The following ATP10B variants were observed in gnomAD, a reference collection of about 807,000 sequenced individuals.
ATP10B encodes ATPase phospholipid transporting 10B (putative).
A neutral mutation model predicts 141.2 loss-of-function variants in ATP10B; 122 were observed. That is an observed-to-expected ratio of 0.86 (90% CI 0.75 to 1.00). The LOEUF (loss-of-function observed/expected upper bound fraction) is 1.00, where lower values mean the gene tolerates loss of function less well. ATP10B is among the 50% of genes least tolerant of loss of function. The probability of loss-of-function intolerance (pLI) is 0.00; values close to 1 mark genes in which losing one functional copy is unlikely to be tolerated. For synonymous variants in ATP10B, 685 were observed against 692.0 expected (o/e 0.99, Z 0.16); for missense variants, 1,876 against 1,825.3 (o/e 1.03, Z -0.51).
chr5:160,856,285 A>G (rs1753997789), upstream of ATP10B, among the ~76,000 whole-genome samples: 1 of 151,802 alleles, frequency 6.6e-6, no homozygotes, highest in Non-Finnish European at 1.5e-5. Flanking sequence ...TGAGTCCTGT[A>G]CACATTTTGC....
At chr5:160,795,833 A>G (rs1278403010) in intron 1 of ATP10B, among the ~76,000 whole-genome samples, 1 of 152,002 alleles carries the variant, frequency 6.6e-6, no homozygotes, top group Non-Finnish European at 1.5e-5. Flanking sequence ...ATTCTCCCCT[A>G]CAGCCCCCAG....
chr5:160,912,050 T>TAG, the ATP10B span, among the ~76,000 whole-genome samples: 6 of 151,800 alleles, frequency 4.0e-5, no homozygotes, highest in East Asian at 3.9e-4. Context: ...TGCACTCCAG[T>TAG]AGAGAGAGAG....
intron 1 of ATP10B, among the ~76,000 whole-genome samples, chr5:160,793,450 A>T (rs896044796): frequency 1.3e-5 from 2 of 152,362 alleles, no homozygotes; most frequent in East Asian, 3.9e-4. Flanking sequence ...GGTGTAACAG[A>T]ATTTAACTAT....
the ATP10B span, among the ~76,000 whole-genome samples, chr5:160,908,511 C>T: frequency 6.6e-6 from 1 of 152,226 alleles, no homozygotes; most frequent in Admixed American, 6.5e-5. Context: ...GTGAGCTGCT[C>T]ATCTGCTATC....
rs1483473902 is a variant in ATP10B at position 160,620,329 on chromosome 5, T to C, written c.2416+18A>G. On this transcript the variant is annotated intron_variant, in intron 15 of 25. Coordinates refer to ENST00000327245, the MANE Select transcript of ATP10B (RefSeq NM_025153.3). ...ATAGAACTCTCTGTGCCTGGAACCC[T>C]GGTAAGGCAGGACTCACCGCAGGCT... is the stretch of plus-strand genomic sequence containing the variant. 1 of 1,589,112 alleles carries C rather than the reference T, an allele frequency of 6.3e-7. No individual in the cohort carries two copies.
At chr5:160,829,561 C>T (rs1433752734) in intron 1 of ATP10B, among the ~76,000 whole-genome samples, 1 of 152,014 alleles carries the variant, frequency 6.6e-6, no homozygotes, top group Non-Finnish European at 1.5e-5. Flanking sequence ...GGAAGTATGG[C>T]CATATTAATG....
chr5:160,708,721 A>C (rs1765168382), intron 3 of ATP10B, among the ~76,000 whole-genome samples: 1 of 152,190 alleles, frequency 6.6e-6, no homozygotes, highest in Non-Finnish European at 1.5e-5. Context: ...GTTTGAGTTA[A>C]ATCTATTCCG....
At chr5:160,615,267 A>T (rs1471853168) in intron 17 of ATP10B, among the ~76,000 whole-genome samples, 1 of 151,574 alleles carries the variant, frequency 6.6e-6, no homozygotes, top group South Asian at 2.1e-4. Context: ...CAGGCCTTCA[A>T]TTGGGTCCTC....
At chr5:160,649,679 G>A in intron 7 of ATP10B, among the ~76,000 whole-genome samples, 1 of 152,186 alleles carries the variant, frequency 6.6e-6, no homozygotes, top group Admixed American at 6.5e-5. Context: ...TTTTAATTAA[G>A]CTTAAATAGC....
chr5:160,693,179 G>A (rs775325684), intron 3 of ATP10B, among the ~76,000 whole-genome samples: 4 of 151,846 alleles, frequency 2.6e-5, no homozygotes, highest in Non-Finnish European at 5.9e-5. Flanking sequence ...CATAATTCTC[G>A]GTTGAATCCT....
intron 1 of ATP10B, among the ~76,000 whole-genome samples, chr5:160,790,947 G>GAGAGA (rs1771524494): frequency 6.6e-6 from 1 of 152,106 alleles, no homozygotes; most frequent in South Asian, 2.1e-4. Flanking sequence ...GAAGCAGGAG[G>GAGAGA]AGAGATCTAA....
intron 9 of ATP10B, 148 bp downstream of exon 9, chr5:160,643,990 C>A (rs968509399): frequency 1.4e-5 from 9 of 645,482 alleles, no homozygotes; most frequent in Non-Finnish European, 2.3e-5. Context: ...TGATTCCCAG[C>A]CTCCGTTTGC....
the ATP10B span, among the ~76,000 whole-genome samples, chr5:160,907,850 G>C: frequency 6.6e-6 from 1 of 152,150 alleles, no homozygotes. Context: ...CATTTAGGTT[G>C]GTCCTTGTGA....
At chr5:160,774,975 C>T (rs1770184361) in intron 2 of ATP10B, among the ~76,000 whole-genome samples, 1 of 152,214 alleles carries the variant, frequency 6.6e-6, no homozygotes, top group Non-Finnish European at 1.5e-5. Flanking sequence ...TAGTATTTTA[C>T]TTATGCCAGC....
chr5:160,649,093 G>C, intron 8 of ATP10B, 78 bp downstream of exon 8: 1 of 1,032,426 alleles, frequency 9.7e-7, no homozygotes, highest in Non-Finnish European at 1.5e-6. Context: ...ATGCTTATTT[G>C]TTTGGTCATT....
intron 7 of ATP10B, among the ~76,000 whole-genome samples, chr5:160,653,664 CATATATATTATATATACATATAT>C (rs1761169109): frequency 8.9e-6 from 1 of 112,556 alleles, no homozygotes; most frequent in Non-Finnish European, 1.7e-5. Context: ...TACATATATA[CATATATATTATATATACATATAT>C]ACATATATAC....
At chr5:160,746,396 C>CTA (rs1491517292) in intron 2 of ATP10B, among the ~76,000 whole-genome samples, 1 of 145,388 alleles carries the variant, frequency 6.9e-6, no homozygotes, top group African/African-American at 2.5e-5. Flanking sequence ...TCTTTCTTTC[C>CTA]TTTTTTTTTT....
At chr5:160,648,781 C>T (rs777342940) in intron 8 of ATP10B, among the ~76,000 whole-genome samples, 12 of 152,048 alleles carry the variant, frequency 7.9e-5, no homozygotes, top group South Asian at 4.2e-4. Flanking sequence ...TGCAGAACCC[C>T]GATTCAAACC....
At chr5:160,869,236 C>T in the ATP10B span, among the ~76,000 whole-genome samples, 11 of 152,020 alleles carry the variant, frequency 7.2e-5, no homozygotes, top group African/African-American at 2.7e-4. Flanking sequence ...CCACACTCTG[C>T]CCAACTCAAC....
Sources: gnomAD v4.1 joint callset for allele counts (sites outside exome capture counted in the v4.1 genomes callset) on GRCh38, gnomAD v4.1.1 for gene constraint, MANE v1.5 for transcripts, NCBI Gene and HGNC (gene_info 2026-07-23, HGNC 2026-07-21) for gene names.